Variants in NAALADL2 observed in about 807,000 individuals in gnomAD.
The protein encoded by NAALADL2 is inactive N-acetylated-alpha-linked acidic dipeptidase-like protein 2.
Under a neutral mutation model 87.2 loss-of-function variants are expected in NAALADL2, and 76 were observed. That is an observed-to-expected ratio of 0.87 (90% CI 0.72 to 1.05). The LOEUF is 1.05. Ranked by LOEUF, NAALADL2 falls within the 50% of genes least tolerant of loss-of-function variation. The pLI is 0.00. For synonymous variants in NAALADL2, 354 were observed against 331.0 expected (o/e 1.07, Z -0.75); for missense variants, 1,089 against 945.8 (o/e 1.15, Z -1.99).
At chr3:175,411,878 T>A (rs987377831) in intron 5 of NAALADL2, among the ~76,000 whole-genome samples, 16 of 152,146 alleles carry the variant, frequency 1.1e-4, no homozygotes, top group Admixed American at 6.5e-5. Flanking sequence ...GCATTGGCTC[T>A]GTGAAGATTG....
At chr3:174,492,610 G>A (rs1718273774) in intron 1 of NAALADL2, among the ~76,000 whole-genome samples, 1 of 152,122 alleles carries the variant, frequency 6.6e-6, no homozygotes, top group African/African-American at 2.4e-5. Flanking sequence ...TCAGAGAGTG[G>A]ATGAAATTTA....
At chr3:174,442,956 T>C (rs1421747010) in intron 1 of NAALADL2, among the ~76,000 whole-genome samples, 2 of 152,150 alleles carry the variant, frequency 1.3e-5, no homozygotes, top group African/African-American at 4.8e-5. Flanking sequence ...CCGGGCACAT[T>C]GCTGTGTTCA....
Position 175,698,397 on chromosome 3 carries a change from G to A in NAALADL2, c.1897-38909G>A, listed in dbSNP as rs962826896. Among the ~76,000 whole-genome samples, 359 of 68,658 alleles carry A rather than the reference G, an allele frequency of 5.2e-3. 69 individuals are homozygous for A. The highest frequency in any genetic ancestry group is 0.025 in the African/African-American group (191 of 7,742). The allele number at this position is 68,658 out of a possible 152,430, so 45.0% of individuals were successfully genotyped here. A position where few individuals can be genotyped will look rare whatever the true frequency, so the allele number is the denominator to read the frequency against. On this transcript the variant is annotated intron_variant, in intron 11 of 13. Coordinates refer to ENST00000454872, the MANE Select transcript of NAALADL2 (RefSeq NM_207015.3). ...TGTGTATTTATGTATGTATACATAT[G>A]TATGTGTATTTATGTATGTATACAT...
chr3:175,174,366 A>G (rs1309315913), intron 2 of NAALADL2, among the ~76,000 whole-genome samples: 1 of 152,126 alleles, frequency 6.6e-6, no homozygotes, highest in Non-Finnish European at 1.5e-5. Context: ...GGGCATTAGC[A>G]CATCTTGATA....
At chr3:175,307,758 T>C (rs1206312782) in intron 4 of NAALADL2, among the ~76,000 whole-genome samples, 1 of 152,180 alleles carries the variant, frequency 6.6e-6, no homozygotes, top group Non-Finnish European at 1.5e-5. Context: ...CAACAAAGTA[T>C]GTACTTAATT....
chr3:175,636,215 C>T (rs76899115), intron 11 of NAALADL2, among the ~76,000 whole-genome samples: 15 of 139,582 alleles, frequency 1.1e-4, no homozygotes, highest in East Asian at 8.1e-4. Context: ...TGTGTGTGTG[C>T]GTGTGTGTGC....
intron 3 of NAALADL2, among the ~76,000 whole-genome samples, chr3:174,838,666 G>A (rs1321119007): frequency 6.6e-6 from 1 of 152,134 alleles, no homozygotes; most frequent in Non-Finnish European, 1.5e-5. Flanking sequence ...CAAAATTAAT[G>A]TTCATAAATC....
chr3:174,583,314 TA>T (rs1378423058), intron 2 of NAALADL2, among the ~76,000 whole-genome samples: 1 of 152,304 alleles, frequency 6.6e-6, no homozygotes, highest in East Asian at 1.9e-4. Flanking sequence ...GAATAATCAC[TA>T]AAGTACCATG....
At chr3:175,543,855 A>G (rs1428550380) in intron 9 of NAALADL2, among the ~76,000 whole-genome samples, 2 of 152,164 alleles carry the variant, frequency 1.3e-5, no homozygotes, top group Non-Finnish European at 2.9e-5. Context: ...TTAATAAGGA[A>G]CCTCTCTAAG....
chr3:174,945,810 G>A (rs1235384652), intron 1 of NAALADL2, among the ~76,000 whole-genome samples: 2 of 152,112 alleles, frequency 1.3e-5, no homozygotes, highest in East Asian at 3.9e-4. Context: ...CACTCTGGGA[G>A]GCTGAGGCGG....
intron 6 of NAALADL2, among the ~76,000 whole-genome samples, chr3:175,461,180 G>T (rs1157298902): frequency 2.6e-5 from 4 of 151,760 alleles, no homozygotes; most frequent in African/African-American, 9.7e-5. Flanking sequence ...TTTTTCCAGA[G>T]TGCTGATTGG....
intron 2 of NAALADL2, among the ~76,000 whole-genome samples, chr3:175,208,553 A>G (rs1741298839): frequency 6.6e-6 from 1 of 152,134 alleles, no homozygotes; most frequent in Non-Finnish European, 1.5e-5. Context: ...TCGATGAGTC[A>G]ACTCTGTTAC....
At chr3:175,671,624 A>T (rs2149845428) in intron 11 of NAALADL2, among the ~76,000 whole-genome samples, 1 of 152,172 alleles carries the variant, frequency 6.6e-6, no homozygotes, top group African/African-American at 2.4e-5. Context: ...ATTGTTCCAG[A>T]GAAGACTCTA....
At chr3:175,790,732 C>T (rs28524044) in intron 13 of NAALADL2, among the ~76,000 whole-genome samples, 1 of 152,180 alleles carries the variant, frequency 6.6e-6, no homozygotes, top group Non-Finnish European at 1.5e-5. Context: ...TCCACATATA[C>T]TTGAACAACA....
At chr3:175,167,458 C>A (rs1248421216) in intron 2 of NAALADL2, among the ~76,000 whole-genome samples, 2 of 151,998 alleles carry the variant, frequency 1.3e-5, no homozygotes, top group Admixed American at 6.6e-5. Flanking sequence ...ATCTGAGGTC[C>A]CATCATCTTC....
At chr3:174,884,848 G>A (rs1401057332) in intron 1 of NAALADL2, among the ~76,000 whole-genome samples, 1 of 152,078 alleles carries the variant, frequency 6.6e-6, no homozygotes, top group African/African-American at 2.4e-5. Context: ...TCATCTCTAG[G>A]GGCCCGCCAG....
In NAALADL2 at chr3:174,459,762, A is replaced by G. The variant is rs372335389; in HGVS notation, c.-184+18730A>G. 15 of 152,304 alleles carry G rather than the reference A, an allele frequency of 9.8e-5. No homozygotes were observed. In the East Asian group the frequency reaches 2.3e-3, roughly 24 times the overall value. The allele number at this position is 152,304 out of a possible 1,614,324, so 9.4% of individuals were successfully genotyped here. A position where few individuals can be genotyped will look rare whatever the true frequency, so the allele number is the denominator to read the frequency against. On this transcript the variant is annotated intron_variant, in intron 1 of 3. Coordinates refer to the NAALADL2 transcript ENST00000434257. ...TTACAAAGTAGTATTAGAACTCCCA[A>G]TGACAGACACCAGTCTTGCCTTTTG...
intron 1 of NAALADL2, among the ~76,000 whole-genome samples, chr3:174,966,251 AGATT>A (rs555536236): frequency 1.5e-3 from 228 of 152,326 alleles, no homozygotes; most frequent in Non-Finnish European, 2.6e-3. Flanking sequence ...CCAAGCACTT[AGATT>A]TTCTCCCTCG....
intron 1 of NAALADL2, among the ~76,000 whole-genome samples, chr3:174,908,283 C>A (rs569437442): frequency 6.6e-6 from 1 of 151,892 alleles, no homozygotes; most frequent in Non-Finnish European, 1.5e-5. Context: ...GTCTTCACAC[C>A]CCCAGGCCTA....
Sources: allele counts gnomAD v4.1 joint callset (sites outside exome capture counted in the v4.1 genomes callset), GRCh38; gene constraint gnomAD v4.1.1; transcripts MANE v1.5; gene names NCBI Gene and HGNC (gene_info 2026-07-23, HGNC 2026-07-21).